DEPTOR: variants seen among roughly 807,000 people sequenced by gnomAD.
The protein encoded by DEPTOR is DEP domain containing MTOR interacting protein.
DEPTOR carries 41 observed loss-of-function variants against 41.6 expected under a neutral mutation model. That is an observed-to-expected ratio of 0.98 (90% CI 0.77 to 1.28). The LOEUF is 1.28. DEPTOR is among the 50% of genes most tolerant of loss of function. DEPTOR has a pLI of 0.00. For missense variants in DEPTOR, 514 were observed against 527.9 expected, an observed-to-expected ratio of 0.97 and a Z score of 0.26; for synonymous variants, 195 against 192.3, an observed-to-expected ratio of 1.01 and a Z score of -0.12.
rs372128084 is a variant in DEPTOR at position 120,006,845 on chromosome 8, C to T, written c.966C>T (p.Pro322=). Residue 322 remains proline (P), a synonymous_variant, in exon 7 of 9, where the codon CCC becomes CCT. Coordinates refer to ENST00000286234, the MANE Select transcript of DEPTOR (RefSeq NM_022783.4). The part of the protein sequence containing the change: ...RPVTSEELLT[P]GAPYARKTFT... ...TCACCTCTGAGGAACTCCTTACTCC[C>T]GGGGCTCCGTATGCAAGGAAGACAT... 97 of 1,614,030 alleles carry T rather than the reference C, an allele frequency of 6.0e-5. 1 individual carries two copies. The highest frequency in any genetic ancestry group is 1.2e-4 in the South Asian group (11 of 91,084).
intron 1 of DEPTOR, among the ~76,000 whole-genome samples, chr8:119,885,383 G>C (rs1279564060): frequency 6.6e-6 from 1 of 152,134 alleles, no homozygotes; most frequent in African/African-American, 2.4e-5. Flanking sequence ...CTGAGGAACT[G>C]ACAATAATAA....
At chr8:120,009,618 CA>C (rs1451626844) in intron 8 of DEPTOR, among the ~76,000 whole-genome samples, 1 of 133,160 alleles carries the variant, frequency 7.5e-6, no homozygotes, top group African/African-American at 2.8e-5. Context: ...GTCTCTAAAA[CA>C]AAACAAAACA....
rs193267247 is a variant in DEPTOR at position 119,986,969 on chromosome 8, C to G, written c.605-14556C>G. 7.9e-4 allele frequency among the ~76,000 whole-genome samples: 120 copies of G among 151,948 alleles called. 1 individual carries two copies. Among genetic ancestry groups the G allele is most frequent in the African/African-American group, 2.7e-3 (112 of 41,426 alleles). On this transcript the variant is annotated intron_variant, in intron 4 of 8. Coordinates refer to ENST00000286234, the MANE Select transcript of DEPTOR (RefSeq NM_022783.4). ...AGGTTCTTAGCTTCTTTCACTGGGT[C>G]AGAACATGCTCTGTTAGCTCAGAGG...
intron 1 of DEPTOR, among the ~76,000 whole-genome samples, chr8:119,889,082 A>G (rs1827412915): frequency 6.6e-6 from 1 of 151,388 alleles, no homozygotes; most frequent in Non-Finnish European, 1.5e-5. Context: ...TAATAAATAT[A>G]CTGATAATTC....
At chr8:120,004,615 A>G (rs1238983823) in intron 6 of DEPTOR, among the ~76,000 whole-genome samples, 1 of 152,180 alleles carries the variant, frequency 6.6e-6, no homozygotes, top group Non-Finnish European at 1.5e-5. Context: ...TCCCTGAGGT[A>G]GGTTAGCATG....
intron 1 of DEPTOR, among the ~76,000 whole-genome samples, chr8:119,924,848 C>G (rs1827944233): frequency 6.6e-6 from 1 of 152,110 alleles, no homozygotes; most frequent in Non-Finnish European, 1.5e-5. Context: ...AGGTAATGAG[C>G]ATAGTAGGCA....
At chr8:119,897,473 C>T (rs1435406815) in intron 1 of DEPTOR, among the ~76,000 whole-genome samples, 5 of 152,104 alleles carry the variant, frequency 3.3e-5, no homozygotes, top group Non-Finnish European at 7.3e-5. Context: ...GCAGAGGTTG[C>T]AGTGAGCTGA....
At chr8:119,937,038 A>G (rs1410064277) in intron 3 of DEPTOR, among the ~76,000 whole-genome samples, 1 of 151,582 alleles carries the variant, frequency 6.6e-6, no homozygotes, top group Non-Finnish European at 1.5e-5. Flanking sequence ...ATAATAATAT[A>G]AATAAATAAA....
At chr8:119,961,756 G>C (rs1463839454) in intron 3 of DEPTOR, among the ~76,000 whole-genome samples, 5 of 151,922 alleles carry the variant, frequency 3.3e-5, no homozygotes, top group African/African-American at 1.2e-4. Flanking sequence ...TGATCTCCAA[G>C]GTTTCTTCCT....
At chr8:119,939,130 T>G (rs928606228) in intron 3 of DEPTOR, among the ~76,000 whole-genome samples, 9 of 152,160 alleles carry the variant, frequency 5.9e-5, no homozygotes, top group Non-Finnish European at 7.3e-5. Context: ...CAACAAAAAG[T>G]TTATACTGTA....
At chr8:119,988,691 C>T (rs1828860255) in intron 4 of DEPTOR, among the ~76,000 whole-genome samples, 1 of 152,128 alleles carries the variant, frequency 6.6e-6, no homozygotes, top group South Asian at 2.1e-4. Context: ...CCATTTTGGA[C>T]AGGCTGATCT....
In DEPTOR at chr8:119,929,822, T is replaced by C. The variant is rs962455744; in HGVS notation, c.309T>C (p.Asp103=). The C allele has an allele frequency of 3.1e-6, 5 of 1,611,170 alleles. No homozygotes were observed. Among genetic ancestry groups the C allele is most frequent in the Admixed American group, 1.7e-5 (1 of 59,860 alleles). ...ADRGIIHHVC[D]EHKEFKDVKL... ...GTGCATATTGTGTTTCAGTGTGTGATGAGCATAAGGAATTCAAGGATGTCA... is the reference window on the plus strand; with the variant it reads ...GTGCATATTGTGTTTCAGTGTGTGACGAGCATAAGGAATTCAAGGATGTCA... The change falls in exon 3 of 9, where the codon GAT becomes GAC. Residue 103 remains aspartate (D), a synonymous_variant. Transcript: ENST00000286234.
At position 119,873,957 on chromosome 8, in the gene DEPTOR, G is replaced by C; in HGVS notation, c.111G>C (p.Gly37=). The change falls in exon 1 of 9, where the codon GGG becomes GGC. Residue 37 remains glycine, a synonymous_variant. Transcript: ENST00000286234. The part of the protein sequence containing the change: ...LERMAEVLVT[G]EQLRLRLHEE... ...GCATGGCTGAGGTCTTGGTCACCGG[G>C]GAACAGCTACGGTAAGGCAAGAGAC... is the stretch of plus-strand genomic sequence containing the variant. The C allele has an allele frequency of 6.2e-7, 1 of 1,613,586 alleles. No homozygotes were observed. The highest frequency in any genetic ancestry group is 8.5e-7 in the Non-Finnish European group (1 of 1,179,774).
intron 8 of DEPTOR, among the ~76,000 whole-genome samples, chr8:120,046,991 TGATTGTCCCA>T (rs1389681910): frequency 1.3e-5 from 2 of 152,198 alleles, no homozygotes; most frequent in Admixed American, 1.3e-4. Context: ...TCACAGCTTC[TGATTGTCCCA>T]GAGAAGCCAG....
chr8:120,011,613 T>C (rs1311174060), intron 8 of DEPTOR, among the ~76,000 whole-genome samples: 4 of 152,200 alleles, frequency 2.6e-5, no homozygotes, highest in African/African-American at 9.7e-5. Flanking sequence ...GAGCATTTCT[T>C]TTGAGGAAAG....
At chr8:120,040,036 G>T (rs575248697) in intron 8 of DEPTOR, among the ~76,000 whole-genome samples, 4 of 151,912 alleles carry the variant, frequency 2.6e-5, no homozygotes, top group African/African-American at 7.2e-5. Flanking sequence ...TAGAGATGGG[G>T]TTTCACCATG....
At chr8:120,041,930 T>G (rs1448072013) in intron 8 of DEPTOR, among the ~76,000 whole-genome samples, 1 of 152,128 alleles carries the variant, frequency 6.6e-6, no homozygotes, top group Non-Finnish European at 1.5e-5. Flanking sequence ...TCCTTTTCAT[T>G]CAAGAATTTG....
At chr8:119,946,477 C>G (rs1188861535) in intron 3 of DEPTOR, among the ~76,000 whole-genome samples, 1 of 150,686 alleles carries the variant, frequency 6.6e-6, no homozygotes, top group Non-Finnish European at 1.5e-5. Context: ...TGCAGTGGCT[C>G]ATGCCTGTAA....
At chr8:119,977,242 A>C (rs550002205) in intron 4 of DEPTOR, among the ~76,000 whole-genome samples, 1 of 152,214 alleles carries the variant, frequency 6.6e-6, no homozygotes, top group South Asian at 2.1e-4. Flanking sequence ...ACCTCAAGTG[A>C]TCCGCCCGCC....
Sources: gnomAD v4.1 joint callset for allele counts (sites outside exome capture counted in the v4.1 genomes callset) on GRCh38, gnomAD v4.1.1 for gene constraint, MANE v1.5 for transcripts, NCBI Gene and HGNC (gene_info 2026-07-23, HGNC 2026-07-21) for gene names.